The following PAFAH1B1 variants were observed in gnomAD, a reference collection of about 807,000 sequenced individuals.
PAFAH1B1 encodes platelet activating factor acetylhydrolase 1b regulatory subunit 1.
In PAFAH1B1, 2 loss-of-function variants were observed where a neutral mutation model predicts 57.5. The ratio of observed to expected loss-of-function variants is 0.03; its 90% CI spans 0.01 to 0.11. The LOEUF (loss-of-function observed/expected upper bound fraction) is 0.11. Ranked by LOEUF, PAFAH1B1 falls within the 10% of genes least tolerant of loss-of-function variation. The pLI is 1.00. For missense variants in PAFAH1B1, 257 were observed against 512.0 expected (o/e 0.50, Z 4.81); for synonymous variants, 152 against 169.6 (o/e 0.90, Z 0.81).
At chr17:2,680,739 G>T (rs1026806330) in intron 10 of PAFAH1B1, 8 of 266,212 alleles carry the variant, frequency 3.0e-5, no homozygotes, top group Non-Finnish European at 5.9e-5. Flanking sequence ...ACTATCATCT[G>T]GACTTGAATC....
intron 1 of PAFAH1B1, among the ~76,000 whole-genome samples, chr17:2,601,206 C>G (rs1412802636): frequency 6.6e-6 from 1 of 152,106 alleles, no homozygotes; most frequent in Non-Finnish European, 1.5e-5. Flanking sequence ...GCGATCTTGG[C>G]TCACTGCAGC....
rs369681663 is a variant in PAFAH1B1, at chr17:2,638,206, T to C, written c.-83T>C. 1 of 1,093,824 alleles carries C rather than the reference T, an allele frequency of 9.1e-7. No homozygotes were observed. Among genetic ancestry groups the C allele is most frequent in the South Asian group, 1.3e-5 (1 of 74,958 alleles). 67.8% of individuals were successfully genotyped at this position (1,093,824 alleles called of 1,614,324 possible). ...GACACTTAGTGGCATATTTAAATTA[T>C]AAGTCCACGGATCAAAAAGCTTTTT... On this transcript the variant is annotated 5_prime_UTR_variant, in exon 2 of 11. Transcript: ENST00000397195.
intron 2 of PAFAH1B1, among the ~76,000 whole-genome samples, chr17:2,646,336 T>G (rs191156878): frequency 6.6e-6 from 1 of 152,298 alleles, no homozygotes; most frequent in African/African-American, 2.4e-5. Flanking sequence ...TTTATAGGAA[T>G]GAGAAATTCA....
chr17:2,673,430 G>T (rs1268232797), intron 7 of PAFAH1B1, among the ~76,000 whole-genome samples: 2 of 152,096 alleles, frequency 1.3e-5, no homozygotes, highest in Non-Finnish European at 1.5e-5. Flanking sequence ...ATGAGGTCAG[G>T]AGATCGAGAC....
chr17:2,652,401 C>A (rs954038047), intron 2 of PAFAH1B1, among the ~76,000 whole-genome samples: 24 of 151,576 alleles, frequency 1.6e-4, no homozygotes, highest in Non-Finnish European at 1.5e-5. Flanking sequence ...GGCGGCAGAG[C>A]GAGACTCCGT....
intron 1 of PAFAH1B1, among the ~76,000 whole-genome samples, chr17:2,637,470 G>A (rs1334685635): frequency 6.6e-6 from 1 of 152,116 alleles, no homozygotes; most frequent in African/African-American, 2.4e-5. Flanking sequence ...TGTCGTCCCA[G>A]CTGCTTGGGA....
intron 9 of PAFAH1B1, among the ~76,000 whole-genome samples, chr17:2,679,502 T>C (rs1163176401): frequency 2.3e-5 from 2 of 85,916 alleles, no homozygotes; most frequent in African/African-American, 8.8e-5. Context: ...GGATGGATGA[T>C]TGGATGGATG....
intron 1 of PAFAH1B1, among the ~76,000 whole-genome samples, chr17:2,633,694 C>T (rs1053345045): frequency 3.3e-5 from 5 of 152,134 alleles, no homozygotes; most frequent in South Asian, 2.1e-4. Flanking sequence ...AGGTTATCAA[C>T]GAACTCCTTG....
chr17:2,604,162 C>G (rs886138288), intron 1 of PAFAH1B1, among the ~76,000 whole-genome samples: 9 of 151,626 alleles, frequency 5.9e-5, no homozygotes, highest in African/African-American at 2.2e-4. Context: ...CTCAGCCTCC[C>G]GAGTAGCTGG....
Position 2,642,420 on chromosome 17 carries a change from G to GA in PAFAH1B1, c.32+4107dup, listed in dbSNP as rs996533319. ...ATTAGAACTTGGGGATAAGTGTTCA[G>GA]AAAAAAATAAATAAAATTGCCTTCA... On this transcript the variant is annotated intron_variant, in intron 2 of 10. Coordinates refer to ENST00000397195, the MANE Select transcript of PAFAH1B1 (RefSeq NM_000430.4). 7.2e-4 allele frequency: 110 copies of GA among 151,996 alleles called. 1 individual carries two copies. The highest frequency in any genetic ancestry group is 1.9e-3 in the African/African-American group (77 of 41,382). 9.4% of individuals were successfully genotyped at this position (151,996 alleles called of 1,614,324 possible).
chr17:2,604,343 T>G (rs992962324), intron 1 of PAFAH1B1, among the ~76,000 whole-genome samples: 3 of 152,138 alleles, frequency 2.0e-5, no homozygotes, highest in African/African-American at 4.8e-5. Flanking sequence ...CTGCTGAGAT[T>G]CTTAATAAAA....
intron 6 of PAFAH1B1, among the ~76,000 whole-genome samples, chr17:2,672,005 C>T (rs954610107): frequency 1.3e-5 from 2 of 152,062 alleles, no homozygotes; most frequent in African/African-American, 4.8e-5. Context: ...CAGTGGCTCA[C>T]ACCTATAATC....
At chr17:2,605,377 T>C (rs1425449442) in intron 1 of PAFAH1B1, among the ~76,000 whole-genome samples, 2 of 152,222 alleles carry the variant, frequency 1.3e-5, no homozygotes, top group Non-Finnish European at 2.9e-5. Flanking sequence ...ACCACAATTT[T>C]CAAGTCACTT....
intron 2 of PAFAH1B1, among the ~76,000 whole-genome samples, chr17:2,647,672 C>A (rs1028916943): frequency 6.6e-6 from 1 of 152,154 alleles, no homozygotes; most frequent in East Asian, 1.9e-4. Flanking sequence ...CACTCTCATG[C>A]TGCTAATAAA....
At chr17:2,651,584 CAAAA>C (rs572952878) in intron 2 of PAFAH1B1, among the ~76,000 whole-genome samples, 1 of 107,298 alleles carries the variant, frequency 9.3e-6, no homozygotes, top group African/African-American at 3.5e-5. Flanking sequence ...GACTCCATCT[CAAAA>C]AAAAAAAAAA....
intron 2 of PAFAH1B1, among the ~76,000 whole-genome samples, chr17:2,656,374 C>T (rs907884200): frequency 2.0e-5 from 3 of 151,880 alleles, no homozygotes; most frequent in African/African-American, 7.3e-5. Flanking sequence ...CCATTGAGCC[C>T]AGGAGCTTGA....
At chr17:2,675,781 C>A (rs1362679030) in intron 8 of PAFAH1B1, among the ~76,000 whole-genome samples, 3 of 152,030 alleles carry the variant, frequency 2.0e-5, no homozygotes, top group Non-Finnish European at 4.4e-5. Flanking sequence ...TTCAAAGCTG[C>A]AGTGAGCTAT....
upstream of PAFAH1B1, chr17:2,593,619 C>CGGCGT: frequency 5.0e-6 from 1 of 200,116 alleles, no homozygotes; most frequent in South Asian, 1.0e-4. Context: ...GGCGGCGGCG[C>CGGCGT]GGTGACGTCA....
At chr17:2,618,951 T>C (rs952775813) in intron 1 of PAFAH1B1, among the ~76,000 whole-genome samples, 13 of 85,994 alleles carry the variant, frequency 1.5e-4, no homozygotes, top group African/African-American at 6.9e-4. Flanking sequence ...TGAGACTCCG[T>C]CTCAAAAAAA....
Sources: gnomAD v4.1 joint callset for allele counts (sites outside exome capture counted in the v4.1 genomes callset) on GRCh38, gnomAD v4.1.1 for gene constraint, MANE v1.5 for transcripts, NCBI Gene and HGNC (gene_info 2026-07-23, HGNC 2026-07-21) for gene names.